Variants in KMT2C observed in about 807,000 individuals in gnomAD.
The protein encoded by KMT2C is histone-lysine N-methyltransferase 2C.
KMT2C carries 88 observed loss-of-function variants against 507.9 expected under a neutral mutation model. The ratio of observed to expected loss-of-function variants is 0.17; its 90% CI spans 0.15 to 0.21. KMT2C has a LOEUF of 0.21. KMT2C is among the 10% of genes least tolerant of loss of function. The probability of loss-of-function intolerance (pLI) is 1.00; values close to 1 mark genes in which losing one functional copy is unlikely to be tolerated. For synonymous variants in KMT2C, 2,049 were observed against 2,080.8 expected, an observed-to-expected ratio of 0.98 and a Z score of 0.42; for missense variants, 4,954 against 5,957.8, an observed-to-expected ratio of 0.83 and a Z score of 5.55.
intron 41 of KMT2C, among the ~76,000 whole-genome samples, chr7:152,168,070 A>G (rs557317781): frequency 2.6e-5 from 4 of 152,264 alleles, no homozygotes; most frequent in African/African-American, 9.6e-5. Flanking sequence ...CCAAATGGCT[A>G]TATCTCTTCA....
intron 55 of KMT2C, among the ~76,000 whole-genome samples, chr7:152,141,348 T>G (rs559365529): frequency 3.3e-5 from 5 of 151,614 alleles, no homozygotes; most frequent in African/African-American, 1.2e-4. Flanking sequence ...GATCCCTGCA[T>G]GTATGAAAAT....
intron 16 of KMT2C, among the ~76,000 whole-genome samples, chr7:152,233,240 G>A (rs2360913): frequency 2.6e-4 from 40 of 152,252 alleles, no homozygotes; most frequent in South Asian, 1.7e-3. Flanking sequence ...TTTCATGACC[G>A]TTAGACTGCT....
chr7:152,193,687 C>T (rs765108408), intron 31 of KMT2C, among the ~76,000 whole-genome samples: 6 of 151,408 alleles, frequency 4.0e-5, no homozygotes, highest in Non-Finnish European at 2.9e-5. Context: ...GACAGTTCCA[C>T]ACACACACAC....
intron 1 of KMT2C, chr7:152,367,657 G>T: frequency 7.0e-7 from 1 of 1,429,772 alleles, no homozygotes; most frequent in South Asian, 1.1e-5. Flanking sequence ...ATCAAAGAAG[G>T]TGGTGTTCAG....
At chr7:152,323,484 T>C (rs993833969) in intron 3 of KMT2C, among the ~76,000 whole-genome samples, 3 of 150,838 alleles carry the variant, frequency 2.0e-5, no homozygotes, top group African/African-American at 7.3e-5. Flanking sequence ...CATAAAATTT[T>C]AAAAATTAGC....
At chr7:152,174,903 G>A (rs557803745) in intron 38 of KMT2C, among the ~76,000 whole-genome samples, 1 of 152,208 alleles carries the variant, frequency 6.6e-6, no homozygotes, top group African/African-American at 2.4e-5. Flanking sequence ...GGTTTATATA[G>A]CAAAAAATCG....
intron 31 of KMT2C, among the ~76,000 whole-genome samples, chr7:152,193,581 G>GA (rs2093871759): frequency 6.6e-6 from 1 of 152,136 alleles, no homozygotes; most frequent in Non-Finnish European, 1.5e-5. Context: ...TGCTACAAAT[G>GA]AAAAACATGG....
At chr7:152,417,552 G>C (rs1246561005) in intron 1 of KMT2C, among the ~76,000 whole-genome samples, 2 of 152,150 alleles carry the variant, frequency 1.3e-5, no homozygotes, top group Admixed American at 1.3e-4. Flanking sequence ...CCAACAACTA[G>C]AAAGTGATAA....
At chr7:152,276,372 G>A (rs2096079388) in intron 6 of KMT2C, among the ~76,000 whole-genome samples, 3 of 152,096 alleles carry the variant, frequency 2.0e-5, no homozygotes, top group Non-Finnish European at 4.4e-5. Flanking sequence ...AATCAAGCAA[G>A]TTAAAATATT....
At chr7:152,300,554 C>T (rs2096556947) in intron 6 of KMT2C, among the ~76,000 whole-genome samples, 2 of 152,220 alleles carry the variant, frequency 1.3e-5, no homozygotes, top group East Asian at 1.9e-4. Context: ...GAAGCTGGTA[C>T]ATGGATTTTT....
At chr7:152,273,482 TATTTG>T (rs919612659) in intron 7 of KMT2C, among the ~76,000 whole-genome samples, 8 of 152,144 alleles carry the variant, frequency 5.3e-5, no homozygotes, top group African/African-American at 1.7e-4. Flanking sequence ...ATGCAAACTT[TATTTG>T]ATTTTTCTGA....
At chr7:152,153,731 TA>T (rs34303062) in intron 48 of KMT2C, among the ~76,000 whole-genome samples, 23,531 of 129,350 alleles carry the variant, frequency 0.18, 2,469 homozygotes, top group African/African-American at 0.31. Context: ...GTGTCTCTAT[TA>T]AAAAAAAAAA....
At chr7:152,220,997 G>A (rs2094747924) in intron 22 of KMT2C, among the ~76,000 whole-genome samples, 1 of 152,190 alleles carries the variant, frequency 6.6e-6, no homozygotes, top group Non-Finnish European at 1.5e-5. Flanking sequence ...GCTCATGCCT[G>A]TAATCCCAGC....
At chr7:152,223,495 T>C (rs1055169904) in intron 20 of KMT2C, among the ~76,000 whole-genome samples, 10 of 152,036 alleles carry the variant, frequency 6.6e-5, no homozygotes, top group African/African-American at 2.2e-4. Context: ...AGGCCTAAAT[T>C]AAAAATCTTT....
chr7:152,257,046 A>C (rs140565977), intron 9 of KMT2C, among the ~76,000 whole-genome samples: 6 of 152,330 alleles, frequency 3.9e-5, no homozygotes, highest in Non-Finnish European at 8.8e-5. Flanking sequence ...AAAAACACAC[A>C]TGCACAAAGC....
intron 13 of KMT2C, among the ~76,000 whole-genome samples, 193 bp downstream of exon 13, chr7:152,249,673 CAAAAAAAAAA>C (rs1183345172): frequency 2.0e-4 from 7 of 34,516 alleles, no homozygotes; most frequent in East Asian, 1.2e-3. Context: ...CTCCCCCCTC[CAAAAAAAAAA>C]AAAAAAAAAA....
intron 27 of KMT2C, among the ~76,000 whole-genome samples, chr7:152,198,748 T>C (rs890784368): frequency 6.6e-5 from 10 of 152,272 alleles, no homozygotes; most frequent in Admixed American, 2.0e-4. Context: ...TTGATCATCA[T>C]GAGGCCAAAG....
intron 2 of KMT2C, among the ~76,000 whole-genome samples, chr7:152,357,205 A>G (rs1200864834): frequency 6.6e-6 from 1 of 151,716 alleles, no homozygotes; most frequent in East Asian, 1.9e-4. Flanking sequence ...CCAGCCTGGG[A>G]GAGAGAGCAA....
rs752540037 is a variant in KMT2C at position 152,138,620 on chromosome 7, GA to G, written c.14643+175del. On this transcript the variant is annotated intron_variant, in intron 58 of 58. Coordinates refer to ENST00000262189, the MANE Select transcript of KMT2C (RefSeq NM_170606.3). This position sits in a 1 kb window ranked among gnomAD's most constrained non-coding sequence, Gnocchi z 4.2. The stretch of plus-strand genomic sequence containing the variant: ...ACAGAGCTGCCATGTGGAGGAAGGT[GA>G]ACTGGAGTGCCTGAAGGGTGAGATA... The G allele has an allele frequency of 4.2e-5, 22 of 521,800 alleles. No individual in the cohort carries two copies. Among genetic ancestry groups the G allele is most frequent in the Non-Finnish European group, 7.5e-5 (22 of 294,508 alleles). 32.3% of individuals were successfully genotyped at this position (521,800 alleles called of 1,614,324 possible). A position where few individuals can be genotyped will look rare whatever the true frequency, so the allele number is the denominator to read the frequency against.
Sources: gnomAD v4.1 joint callset for allele counts (sites outside exome capture counted in the v4.1 genomes callset) on GRCh38, gnomAD v4.1.1 for gene constraint, Gnocchi (gnomAD v3.1) non-coding constraint, MANE v1.5 for transcripts, NCBI Gene and HGNC (gene_info 2026-07-23, HGNC 2026-07-21) for gene names.